Variants in NCAM2 observed in about 807,000 individuals in gnomAD.
NCAM2 encodes N-CAM-2.
In NCAM2, 30 loss-of-function variants were observed where a neutral mutation model predicts 98.1. The ratio of observed to expected loss-of-function variants is 0.31; its 90% CI spans 0.23 to 0.41. The LOEUF (loss-of-function observed/expected upper bound fraction) is 0.41, where lower values mean the gene tolerates loss of function less well. Ranked by LOEUF, NCAM2 falls within the 10% of genes least tolerant of loss-of-function variation. NCAM2 has a pLI of 1.00. For missense variants in NCAM2, 867 were observed against 1,005.8 expected (o/e 0.86, Z 1.87); for synonymous variants, 368 against 342.4 (o/e 1.07, Z -0.83).
intron 8 of NCAM2, among the ~76,000 whole-genome samples, chr21:21,348,108 A>G (rs76625366): frequency 0.018 from 2,752 of 152,104 alleles, 91 homozygotes; most frequent in East Asian, 0.16. Context: ...CAAAGTACCA[A>G]CTAGAACAAT....
At chr21:21,053,806 T>C (rs2146303788) in intron 1 of NCAM2, among the ~76,000 whole-genome samples, 1 of 151,806 alleles carries the variant, frequency 6.6e-6, no homozygotes, top group East Asian at 1.9e-4. Flanking sequence ...TTTATATTGT[T>C]GTTCTTTTTC....
chr21:21,308,192 C>T (rs997050601), intron 5 of NCAM2, among the ~76,000 whole-genome samples: 1 of 151,976 alleles, frequency 6.6e-6, no homozygotes, highest in African/African-American at 2.4e-5. Context: ...TTATATTTAT[C>T]TACATAGTTA....
chr21:21,137,745 C>T (rs907965099), intron 1 of NCAM2, among the ~76,000 whole-genome samples: 5 of 151,906 alleles, frequency 3.3e-5, no homozygotes, highest in African/African-American at 9.7e-5. Context: ...GCAAGAAGAG[C>T]GAAACTCCAT....
chr21:21,441,154 A>T lies in NCAM2; in HGVS notation c.1654+8873A>T, dbSNP rs964901557. ...AGTAGTTAATATTTACATCACCTTC[A>T]GGTAAACTTTAATGCAGTTTTCATG... On this transcript the variant is annotated intron_variant, in intron 12 of 17. Transcript: ENST00000400546. 2.0e-5 allele frequency among the ~76,000 whole-genome samples: 3 copies of T among 152,220 alleles called. No homozygotes were observed. In the South Asian group the frequency reaches 6.2e-4, roughly 31 times the overall value.
chr21:21,275,357 G>T (rs191460187), intron 1 of NCAM2, among the ~76,000 whole-genome samples: 305 of 151,818 alleles, frequency 2.0e-3, no homozygotes, highest in African/African-American at 7.1e-3. Context: ...GGAGAATGGC[G>T]TGAACCTGGG....
intron 1 of NCAM2, among the ~76,000 whole-genome samples, chr21:21,144,899 C>A (rs1027288116): frequency 6.6e-6 from 1 of 152,052 alleles, no homozygotes; most frequent in Non-Finnish European, 1.5e-5. Context: ...AACACTAGTA[C>A]AACTGATCTT....
chr21:21,345,276 C>T (rs1386009611), intron 8 of NCAM2, among the ~76,000 whole-genome samples: 1 of 151,902 alleles, frequency 6.6e-6, no homozygotes, highest in African/African-American at 2.4e-5. Context: ...ACCAAATGAA[C>T]TAAATAAGAC....
chr21:21,533,640 C>G (rs1989828398), intron 16 of NCAM2, among the ~76,000 whole-genome samples: 1 of 131,142 alleles, frequency 7.6e-6, no homozygotes, highest in Non-Finnish European at 1.6e-5. Flanking sequence ...GTCCCCAACC[C>G]TTCTTTAGTT....
At chr21:21,183,596 T>A (rs2068547051) in intron 1 of NCAM2, among the ~76,000 whole-genome samples, 1 of 152,168 alleles carries the variant, frequency 6.6e-6, no homozygotes, top group South Asian at 2.1e-4. Context: ...GGCAAGAGAA[T>A]GTGCTAAACA....
At chr21:21,061,224 C>CTTTTAGAGTCTTTAT (rs2065314874) in intron 1 of NCAM2, among the ~76,000 whole-genome samples, 5 of 152,214 alleles carry the variant, frequency 3.3e-5, no homozygotes, top group African/African-American at 1.2e-4. Flanking sequence ...AGTTAAAGAC[C>CTTTTAGAGTCTTTAT]TGTGTTCAAT....
intron 1 of NCAM2, among the ~76,000 whole-genome samples, chr21:21,057,123 A>G (rs982573517): frequency 6.6e-6 from 1 of 152,142 alleles, no homozygotes; most frequent in African/African-American, 2.4e-5. Flanking sequence ...TAGGGTGTCT[A>G]AAACCAAATT....
intron 1 of NCAM2, among the ~76,000 whole-genome samples, chr21:21,136,640 T>TTTG (rs10631346): frequency 0.37 from 55,303 of 147,558 alleles, 11,004 homozygotes; most frequent in African/African-American, 0.52. Context: ...GTTTTTTTTT[T>TTTG]TATTTTTAGT....
chr21:21,410,602 A>G (rs1398819218), intron 10 of NCAM2, 141 bp downstream of exon 10: 6 of 457,936 alleles, frequency 1.3e-5, no homozygotes, highest in Non-Finnish European at 1.8e-5. Flanking sequence ...ACAGTTATTT[A>G]CTTAAAGGTC....
chr21:21,055,706 C>A (rs1474967599), intron 1 of NCAM2, among the ~76,000 whole-genome samples: 1 of 151,984 alleles, frequency 6.6e-6, no homozygotes, highest in Non-Finnish European at 1.5e-5. Flanking sequence ...TCAGGGACAC[C>A]CCACTTGAGA....
At chr21:21,384,501 A>T (rs958911979) in intron 9 of NCAM2, among the ~76,000 whole-genome samples, 2 of 151,896 alleles carry the variant, frequency 1.3e-5, no homozygotes, top group African/African-American at 4.8e-5. Context: ...GTTACTCATG[A>T]ATTCCAGGAA....
chr21:21,323,320 A>G (rs929565210), intron 5 of NCAM2, among the ~76,000 whole-genome samples: 7 of 152,068 alleles, frequency 4.6e-5, no homozygotes, highest in South Asian at 2.1e-4. Flanking sequence ...ATCTAAATTC[A>G]TAAGGGCAGA....
intron 9 of NCAM2, among the ~76,000 whole-genome samples, chr21:21,391,308 A>G (rs1336244650): frequency 1.3e-5 from 2 of 152,226 alleles, no homozygotes; most frequent in Non-Finnish European, 2.9e-5. Context: ...CAATAAGTCT[A>G]GGGAACCGGA....
chr21:21,277,933 T>C (rs2072787026), intron 1 of NCAM2, among the ~76,000 whole-genome samples: 1 of 152,124 alleles, frequency 6.6e-6, no homozygotes, highest in Non-Finnish European at 1.5e-5. Context: ...AATTGATTGA[T>C]GGTGACTAAA....
chr21:21,334,462 T>G (rs2826804), intron 6 of NCAM2, among the ~76,000 whole-genome samples: 1 of 152,070 alleles, frequency 6.6e-6, no homozygotes, highest in Non-Finnish European at 1.5e-5. Flanking sequence ...TTTGATTTTA[T>G]TTTAGAAAAT....
Sources: allele counts gnomAD v4.1 joint callset (sites outside exome capture counted in the v4.1 genomes callset), GRCh38; gene constraint gnomAD v4.1.1; transcripts MANE v1.5; gene names NCBI Gene and HGNC (gene_info 2026-07-23, HGNC 2026-07-21).